Variants in RANBP2 observed in about 807,000 individuals in gnomAD.
RANBP2 encodes E3 SUMO-protein ligase RanBP2.
A neutral mutation model predicts 303.6 loss-of-function variants in RANBP2; 57 were observed. That is an observed-to-expected ratio of 0.19 (90% CI 0.15 to 0.23). The LOEUF is 0.23. RANBP2 is among the 10% of genes least tolerant of loss of function. The probability of loss-of-function intolerance (pLI) is 1.00; values close to 1 mark genes in which losing one functional copy is unlikely to be tolerated. For missense variants in RANBP2, 3,138 were observed against 3,780.8 expected (o/e 0.83, Z 4.46); for synonymous variants, 1,167 against 1,301.5 (o/e 0.90, Z 2.23).
At chr2:109,129,306 C>T in the RANBP2 span, 2 of 762,212 alleles carry the variant, frequency 2.6e-6, no homozygotes, top group East Asian at 6.8e-5. Context: ...GCGCTGCGCT[C>T]AGGACTGGGC....
chr2:109,197,842 A>C, the RANBP2 span, among the ~76,000 whole-genome samples: 940 of 152,330 alleles, frequency 6.2e-3, 7 homozygotes, highest in African/African-American at 0.021. Context: ...CTCCAGGAGA[A>C]AGGAAAAAGC....
At chr2:109,170,233 TC>T in the RANBP2 span, among the ~76,000 whole-genome samples, 400 of 59,904 alleles carry the variant, frequency 6.7e-3, 2 homozygotes, top group African/African-American at 0.025. Flanking sequence ...TCTTCTCTTC[TC>T]TTCTTTTCTT....
chr2:109,218,126 A>G, the RANBP2 span, among the ~76,000 whole-genome samples: 1 of 148,758 alleles, frequency 6.7e-6, no homozygotes, highest in African/African-American at 2.5e-5. Flanking sequence ...GAGACAGAAA[A>G]CCATTGTCCT....
At chr2:109,029,743 G>C in the RANBP2 span, among the ~76,000 whole-genome samples, 1 of 152,098 alleles carries the variant, frequency 6.6e-6, no homozygotes, top group Non-Finnish European at 1.5e-5. Flanking sequence ...AGGGCCCCCC[G>C]GCAGCCATCA....
the RANBP2 span, among the ~76,000 whole-genome samples, chr2:109,340,038 A>G: frequency 2.0e-4 from 30 of 152,210 alleles, no homozygotes; most frequent in Admixed American, 6.5e-4. Flanking sequence ...AAAGGACTAT[A>G]ATTCTTATTT....
chr2:109,350,576 C>T, the RANBP2 span, among the ~76,000 whole-genome samples: 1 of 152,216 alleles, frequency 6.6e-6, no homozygotes, highest in Non-Finnish European at 1.5e-5. Context: ...TGTCCTGTTG[C>T]ATCTCTCACT....
At chr2:109,770,045 G>C in the RANBP2 span, among the ~76,000 whole-genome samples, 3 of 107,312 alleles carry the variant, frequency 2.8e-5, 1 homozygote, top group Non-Finnish European at 5.3e-5. Context: ...AGGTGATTCA[G>C]ACAACCCGCC....
chr2:109,668,235 G>A, the RANBP2 span, among the ~76,000 whole-genome samples: 1 of 152,198 alleles, frequency 6.6e-6, no homozygotes, highest in Non-Finnish European at 1.5e-5. Flanking sequence ...CTATGGTTAT[G>A]TGGATTCTCT....
chr2:108,913,949 CA>C, the RANBP2 span, among the ~76,000 whole-genome samples: 46 of 109,128 alleles, frequency 4.2e-4, no homozygotes, highest in African/African-American at 8.6e-4. Flanking sequence ...GATTCCGTCT[CA>C]AAAAAAAAAA....
chr2:108,814,099 A>G, the RANBP2 span, among the ~76,000 whole-genome samples: 1 of 152,314 alleles, frequency 6.6e-6, no homozygotes, highest in South Asian at 2.1e-4. Context: ...TCTTTTGGAT[A>G]TATACCAGGA....
At chr2:108,967,752 A>G in the RANBP2 span, among the ~76,000 whole-genome samples, 6 of 152,208 alleles carry the variant, frequency 3.9e-5, no homozygotes, top group Admixed American at 2.6e-4. Context: ...GGGAAAAACT[A>G]GACGGTGGAT....
chr2:109,289,997 G>T, the RANBP2 span, among the ~76,000 whole-genome samples: 1 of 152,180 alleles, frequency 6.6e-6, no homozygotes, highest in Non-Finnish European at 1.5e-5. Flanking sequence ...CAGACCACTG[G>T]GGGGACCTTG....
chr2:109,767,443 T>G, the RANBP2 span, among the ~76,000 whole-genome samples: 2 of 132,314 alleles, frequency 1.5e-5, no homozygotes, highest in African/African-American at 5.6e-5. Flanking sequence ...TGTATTGCAT[T>G]ACCAACCATT....
the RANBP2 span, among the ~76,000 whole-genome samples, chr2:109,131,604 G>A: frequency 6.6e-6 from 1 of 152,158 alleles, no homozygotes; most frequent in African/African-American, 2.4e-5. Flanking sequence ...GTTTGACCAG[G>A]AGGTTAGGAG....
chr2:109,288,963 T>C, the RANBP2 span, among the ~76,000 whole-genome samples: 2 of 152,186 alleles, frequency 1.3e-5, no homozygotes. Context: ...ACAAATTTAT[T>C]TGTGGGCTTA....
the RANBP2 span, among the ~76,000 whole-genome samples, chr2:109,561,840 G>A: frequency 1.1e-4 from 16 of 152,032 alleles, no homozygotes; most frequent in Non-Finnish European, 2.1e-4. Context: ...TGGGTCCTAT[G>A]GACTTTAATT....
the RANBP2 span, among the ~76,000 whole-genome samples, chr2:108,809,544 T>G: frequency 6.6e-6 from 1 of 151,874 alleles, no homozygotes; most frequent in African/African-American, 2.4e-5. Context: ...ATCTTTCACT[T>G]CCTTGGTTAA....
chr2:109,394,387 A>G, the RANBP2 span, among the ~76,000 whole-genome samples: 1 of 152,048 alleles, frequency 6.6e-6, no homozygotes, highest in African/African-American at 2.4e-5. Context: ...CCCTTGAGCT[A>G]ATCTCCCACC....
the RANBP2 span, among the ~76,000 whole-genome samples, chr2:109,508,611 A>G: frequency 6.6e-6 from 1 of 152,178 alleles, no homozygotes; most frequent in Non-Finnish European, 1.5e-5. Context: ...TGGAAAAAGT[A>G]ACGTTCTGTA....
Sources: allele counts gnomAD v4.1 joint callset (sites outside exome capture counted in the v4.1 genomes callset), GRCh38; gene constraint gnomAD v4.1.1; transcripts MANE v1.5; gene names NCBI Gene and HGNC (gene_info 2026-07-23, HGNC 2026-07-21).